The following CROT variants were observed in gnomAD, a reference collection of about 807,000 sequenced individuals.
CROT encodes the protein peroxisomal carnitine O-octanoyltransferase.
CROT carries 84 observed loss-of-function variants against 89.2 expected under a neutral mutation model. The observed-to-expected ratio is 0.94, with a 90% CI of 0.79 to 1.13. The LOEUF (loss-of-function observed/expected upper bound fraction) is 1.13, where lower values mean the gene tolerates loss of function less well. CROT is among the 50% of genes most tolerant of loss of function. The pLI is 0.00. For synonymous variants in CROT, 212 were observed against 239.5 expected, an observed-to-expected ratio of 0.89 and a Z score of 1.06; for missense variants, 711 against 727.8, an observed-to-expected ratio of 0.98 and a Z score of 0.27.
chr7:87,376,068 T>G (rs1806804861), intron 9 of CROT, 115 bp downstream of exon 9: 1 of 980,664 alleles, frequency 1.0e-6, no homozygotes, highest in African/African-American at 1.6e-5. Context: ...AAACTTTTTC[T>G]TAGTTATACA....
Position 87,398,708 on chromosome 7 carries a change from G to A in CROT, c.*64G>A. The A allele has an allele frequency of 1.3e-6, 2 of 1,482,368 alleles. No individual in the cohort carries two copies. Among genetic ancestry groups the A allele is most frequent in the Non-Finnish European group, 1.8e-6 (2 of 1,087,054 alleles). The allele number at this position is 1,482,368 out of a possible 1,614,324, so 91.8% of individuals were successfully genotyped here. A position where few individuals can be genotyped will look rare whatever the true frequency, so the allele number is the denominator to read the frequency against. ...TTAAACTGAGTGCTGGGAGTGAGTT[G>A]GTAATATGAGATGGGAAGGAATGTT... On this transcript the variant is annotated 3_prime_UTR_variant, in exon 18 of 18. Transcript: ENST00000331536.
intron 3 of CROT, among the ~76,000 whole-genome samples, chr7:87,353,752 C>T (rs531569117): frequency 6.6e-6 from 1 of 152,244 alleles, no homozygotes; most frequent in South Asian, 2.1e-4. Context: ...CACTTTTAAA[C>T]AACCAGATCT....
intron 10 of CROT, among the ~76,000 whole-genome samples, chr7:87,379,379 C>T (rs1342963553): frequency 6.6e-6 from 1 of 152,046 alleles, no homozygotes; most frequent in Non-Finnish European, 1.5e-5. Context: ...AGTTGTGTTT[C>T]ATTATATGTT....
At chr7:87,368,203 G>A (rs1037323199) in intron 6 of CROT, among the ~76,000 whole-genome samples, 23 of 152,242 alleles carry the variant, frequency 1.5e-4, no homozygotes, top group African/African-American at 3.4e-4. Flanking sequence ...TTTACATGGC[G>A]TACTTTCTCA....
chr7:87,393,003 C>T lies in CROT; in HGVS notation c.1654C>T (p.Gln552Ter), dbSNP rs1807419207. The change falls in exon 17 of 18, where the codon CAG becomes TAG. Residue 552 changes from glutamine to a stop codon, truncating the protein, a stop_gained. Transcript: ENST00000331536. LOFTEE classifies it high-confidence loss of function. ...AAGTCTGGTTGGCTATTTACGAGTC[C>T]AGGGAGTGGTAGTTCCCATGGTACA... ...STSLVGYLRVQGVVVPMVHNG... is the reference protein window; with the variant it reads ...STSLVGYLRV 3 of 1,613,494 alleles carry T rather than the reference C, an allele frequency of 1.9e-6. No individual in the cohort carries two copies. Among genetic ancestry groups the T allele is most frequent in the Non-Finnish European group, 2.5e-6 (3 of 1,179,630 alleles).
chr7:87,395,359 C>T (rs1179260989), intron 17 of CROT, among the ~76,000 whole-genome samples: 2 of 152,156 alleles, frequency 1.3e-5, no homozygotes, highest in African/African-American at 4.8e-5. Context: ...TTTCCCAGCC[C>T]ACTGACTCAA....
intron 6 of CROT, among the ~76,000 whole-genome samples, chr7:87,366,393 A>T (rs1204452049): frequency 6.6e-6 from 1 of 151,884 alleles, no homozygotes; most frequent in East Asian, 1.9e-4. Flanking sequence ...TCACCACTAC[A>T]TTGTTGCAGT....
At chr7:87,356,760 C>T (rs1199029796) in intron 3 of CROT, among the ~76,000 whole-genome samples, 1 of 152,164 alleles carries the variant, frequency 6.6e-6, no homozygotes, top group Non-Finnish European at 1.5e-5. Context: ...CAGTGGCTCA[C>T]GTCTGTAATC....
At position 87,393,084 on chromosome 7, in the gene CROT, T is replaced by C. The variant is rs762828872; in HGVS notation, c.1718+17T>C. Reference sequence around the variant, plus strand: ...AGATGACAGGTGAGGCTTCTCTTTTTTATTCTTTCTGTGCTATAGAGTAGG... The same window carrying C: ...AGATGACAGGTGAGGCTTCTCTTTTCTATTCTTTCTGTGCTATAGAGTAGG... On this transcript the variant is annotated intron_variant, in intron 17 of 17. Coordinates refer to ENST00000331536, the MANE Select transcript of CROT (RefSeq NM_021151.4). The C allele has an allele frequency of 6.2e-7, 1 of 1,610,146 alleles. No individual in the cohort carries two copies. Among genetic ancestry groups the C allele is most frequent in the Non-Finnish European group, 8.5e-7 (1 of 1,178,590 alleles).
intron 10 of CROT, among the ~76,000 whole-genome samples, chr7:87,378,346 C>CAAA (rs33929613): frequency 0.014 from 1,922 of 132,558 alleles, 123 homozygotes; most frequent in East Asian, 0.1. Context: ...ACTCCGACTC[C>CAAA]AAAAAAAAAA....
chr7:87,375,738 A>G lies in CROT; in HGVS notation c.750+13A>G, dbSNP rs748581381. The G allele has an allele frequency of 4.3e-6, 7 of 1,612,648 alleles. No homozygotes were observed. The highest frequency in any genetic ancestry group is 1.6e-4 in the Middle Eastern group (1 of 6,072). On this transcript the variant is annotated intron_variant, in intron 8 of 17. Coordinates refer to ENST00000331536, the MANE Select transcript of CROT (RefSeq NM_021151.4). Reference sequence around the variant, plus strand: ...TCGATGGGCTAAGGTTCTGATTTACACTTTTCTTAACGAAGCTTTTCTCTA... The same window carrying G: ...TCGATGGGCTAAGGTTCTGATTTACGCTTTTCTTAACGAAGCTTTTCTCTA...
chr7:87,386,812 T>A (rs1807196602), intron 13 of CROT, among the ~76,000 whole-genome samples: 1 of 152,076 alleles, frequency 6.6e-6, no homozygotes, highest in Admixed American at 6.6e-5. Flanking sequence ...ATCACTGAGT[T>A]TTGTTCATTG....
chr7:87,364,955 A>G (rs1257282021), intron 6 of CROT, among the ~76,000 whole-genome samples: 1 of 152,188 alleles, frequency 6.6e-6, no homozygotes, highest in Non-Finnish European at 1.5e-5. Context: ...GGTTTGAAAT[A>G]GTCTTTTTGG....
At chr7:87,371,285 T>TA (rs943895214) in intron 7 of CROT, among the ~76,000 whole-genome samples, 9 of 152,184 alleles carry the variant, frequency 5.9e-5, no homozygotes, top group Admixed American at 5.2e-4. Flanking sequence ...GTTGCACATT[T>TA]AAAAAATAGT....
intron 3 of CROT, among the ~76,000 whole-genome samples, chr7:87,357,159 T>G (rs1246273212): frequency 6.6e-6 from 1 of 152,134 alleles, no homozygotes; most frequent in Non-Finnish European, 1.5e-5. Context: ...GGGCTGGCCA[T>G]AGGGGCCACT....
chr7:87,395,869 C>T (rs1411542206), intron 17 of CROT, among the ~76,000 whole-genome samples: 5 of 152,054 alleles, frequency 3.3e-5, no homozygotes, highest in Non-Finnish European at 7.4e-5. Context: ...ATGCAGGACT[C>T]AATAGAAAGG....
At position 87,392,723 on chromosome 7, in the gene CROT, A is replaced by T. The variant is rs1807406131; in HGVS notation, c.1505-7A>T. On this transcript the variant is annotated splice_region_variant and splice_polypyrimidine_tract_variant and intron_variant, in intron 15 of 17. Transcript: ENST00000331536. ...TTTCTAACCTGAGATTTGGGGTTTCATTGCAGGATTTGATCGTCACCTTTT... is the reference window on the plus strand; with the variant it reads ...TTTCTAACCTGAGATTTGGGGTTTCTTTGCAGGATTTGATCGTCACCTTTT... 6 of 1,613,022 alleles carry T rather than the reference A, an allele frequency of 3.7e-6. No homozygotes were observed. Among genetic ancestry groups the T allele is most frequent in the Non-Finnish European group, 4.2e-6 (5 of 1,179,568 alleles).
chr7:87,349,023 T>C (rs1208740749), intron 2 of CROT, 25 bp from the exon 3 acceptor site: 24 of 1,026,058 alleles, frequency 2.3e-5, no homozygotes, highest in Non-Finnish European at 3.4e-5. Flanking sequence ...ATTGAAGTTG[T>C]GAGGGCTCTC....
At chr7:87,361,942 T>C in intron 6 of CROT, 90 bp downstream of exon 6, 2 of 1,165,594 alleles carry the variant, frequency 1.7e-6, no homozygotes, top group South Asian at 2.0e-5. Context: ...TTTTGAAGAA[T>C]ATTACTGTTG....
Sources: gnomAD v4.1 joint callset for allele counts (sites outside exome capture counted in the v4.1 genomes callset) on GRCh38, gnomAD v4.1.1 for gene constraint, MANE v1.5 for transcripts, NCBI Gene and HGNC (gene_info 2026-07-23, HGNC 2026-07-21) for gene names.